CNOT4: variants seen among roughly 807,000 people sequenced by gnomAD.
CNOT4 encodes CCR4-associated factor 4.
In CNOT4, 8 loss-of-function variants were observed where a neutral mutation model predicts 73.8. The ratio of observed to expected loss-of-function variants is 0.11; its 90% CI spans 0.06 to 0.20. The LOEUF (loss-of-function observed/expected upper bound fraction) is 0.20, where lower values mean the gene tolerates loss of function less well. CNOT4 is among the 10% of genes least tolerant of loss of function. The pLI, the probability that CNOT4 is intolerant of heterozygous loss-of-function variation, is 1.00. For synonymous variants in CNOT4, 293 were observed against 321.1 expected, an observed-to-expected ratio of 0.91 and a Z score of 0.94; for missense variants, 564 against 883.4, an observed-to-expected ratio of 0.64 and a Z score of 4.58.
chr7:135,400,779 G>C (rs909861180), intron 7 of CNOT4, among the ~76,000 whole-genome samples: 1 of 152,150 alleles, frequency 6.6e-6, no homozygotes, highest in Non-Finnish European at 1.5e-5. Context: ...TCCGATAATA[G>C]CTGCTGAAAA....
intron 6 of CNOT4, 71 bp downstream of exon 6, chr7:135,413,417 T>C: frequency 6.4e-7 from 1 of 1,552,686 alleles, no homozygotes; most frequent in Non-Finnish European, 8.7e-7. Flanking sequence ...TTTTTGCTTT[T>C]GCAATGTTAA....
chr7:135,448,519 C>T (rs935139658), intron 1 of CNOT4, among the ~76,000 whole-genome samples: 1 of 126,962 alleles, frequency 7.9e-6, no homozygotes, highest in Non-Finnish European at 1.6e-5. Context: ...GACAGAGCAA[C>T]TCTGTCAAAA....
At chr7:135,416,728 C>G (rs1279103231) in intron 3 of CNOT4, among the ~76,000 whole-genome samples, 8 of 152,132 alleles carry the variant, frequency 5.3e-5, no homozygotes, top group African/African-American at 1.9e-4. Flanking sequence ...AGGTTTAAGG[C>G]AGTAGTTCTC....
chr7:135,413,629 G>T lies in CNOT4; in HGVS notation c.562-16C>A. On this transcript the variant is annotated splice_polypyrimidine_tract_variant and intron_variant, in intron 5 of 11. Transcript: ENST00000541284. ...CTAGAGATGCCTGCAGGAGGAAGAG[G>T]GGTAAAGGAAAAGAAGACTCAATGT... 1 of 1,604,428 alleles carries T rather than the reference G, an allele frequency of 6.2e-7. No individual in the cohort carries two copies.
rs117331354 is a variant in CNOT4 at position 135,487,034 on chromosome 7, C to T, written c.-93+22855G>A. Among the ~76,000 whole-genome samples the T allele has an allele frequency of 5.0e-3, 755 of 152,182 alleles. 2 individuals are homozygous for T. The highest frequency in any genetic ancestry group is 8.6e-3 in the Non-Finnish European group (588 of 68,004). On this transcript the variant is annotated intron_variant, in intron 1 of 11. Transcript: ENST00000541284. ...CATCCAAAAATGTGAACTTTTATGA[C>T]TTTGCTATTTTCTTACATCCCCAAA...
chr7:135,426,506 A>T (rs1798507085), intron 2 of CNOT4, among the ~76,000 whole-genome samples: 1 of 151,016 alleles, frequency 6.6e-6, no homozygotes, highest in African/African-American at 2.4e-5. Context: ...AGAAGGCTGG[A>T]GCAGGAGAAT....
Position 135,363,281 on chromosome 7 carries a change from G to C in CNOT4, c.1841-95C>G, listed in dbSNP as rs2059367. On this transcript the variant is annotated intron_variant, in intron 11 of 11. Transcript: ENST00000541284. The surrounding 1 kb of genome is among the most constrained non-coding windows in gnomAD (Gnocchi z 4.3). ...TTTAGAAAGCAAAACCAAAAGGAAA[G>C]ACAGAAGAGATTACAATTTTAAACT... is the stretch of plus-strand genomic sequence containing the variant. 0.7 allele frequency: 789,706 copies of C among 1,131,166 alleles called. 277,710 individuals are homozygous for C. The highest frequency in any genetic ancestry group is 0.78 in the Middle Eastern group (3,161 of 4,068). The allele number at this position is 1,131,166 out of a possible 1,614,324, so 70.1% of individuals were successfully genotyped here.
At chr7:135,501,859 T>C (rs1803989154) in intron 1 of CNOT4, among the ~76,000 whole-genome samples, 1 of 152,214 alleles carries the variant, frequency 6.6e-6, no homozygotes, top group Non-Finnish European at 1.5e-5. Flanking sequence ...GTGGTCTAAA[T>C]GTCTCCTCCA....
At chr7:135,436,113 A>G (rs1275022158) in intron 2 of CNOT4, among the ~76,000 whole-genome samples, 1 of 151,344 alleles carries the variant, frequency 6.6e-6, no homozygotes, top group Non-Finnish European at 1.5e-5. Context: ...GATTCCTCAC[A>G]CTTTCTGGTA....
chr7:135,388,849 G>C, intron 10 of CNOT4: 1 of 1,613,172 alleles, frequency 6.2e-7, no homozygotes, highest in South Asian at 1.1e-5. Context: ...TAATGAATGG[G>C]AAGAGGTTGA....
chr7:135,420,468 C>T (rs1327736259), intron 3 of CNOT4, among the ~76,000 whole-genome samples: 1 of 148,890 alleles, frequency 6.7e-6, no homozygotes, highest in Non-Finnish European at 1.5e-5. Flanking sequence ...ACCCAGTTAC[C>T]TGGGGGGCTG....
chr7:135,362,573 G>T lies in CNOT4; in HGVS notation c.*312C>A, dbSNP rs961585539. 4.3e-6 allele frequency: 2 copies of T among 464,464 alleles called. No individual in the cohort carries two copies. Among genetic ancestry groups the T allele is most frequent in the Non-Finnish European group, 4.0e-6 (1 of 252,718 alleles). 28.8% of individuals were successfully genotyped at this position (464,464 alleles called of 1,614,324 possible). On this transcript the variant is annotated 3_prime_UTR_variant, in exon 12 of 12. Coordinates refer to ENST00000541284, the MANE Select transcript of CNOT4 (RefSeq NM_001190850.2). The stretch of plus-strand genomic sequence containing the variant: ...TAAGCAGATTATGTCATTATTATGC[G>T]CAACAGACAAACAATAATTTTCTAA...
At position 135,362,585 on chromosome 7, in the gene CNOT4, C is replaced by CA. The variant is rs1794695727; in HGVS notation, c.*299dup. On this transcript the variant is annotated 3_prime_UTR_variant, in exon 12 of 12. Coordinates refer to ENST00000541284, the MANE Select transcript of CNOT4 (RefSeq NM_001190850.2). ...GTCATTATTATGCGCAACAGACAAA[C>CA]AATAATTTTCTAAGTATTGAGACTG... 4 of 504,718 alleles carry CA rather than the reference C, an allele frequency of 7.9e-6. No homozygotes were observed. Among genetic ancestry groups the CA allele is most frequent in the African/African-American group, 7.7e-5 (4 of 51,780 alleles). 31.3% of individuals were successfully genotyped at this position (504,718 alleles called of 1,614,324 possible).
intron 1 of CNOT4, among the ~76,000 whole-genome samples, chr7:135,494,289 G>A (rs928961582): frequency 2.0e-5 from 3 of 151,790 alleles, no homozygotes; most frequent in South Asian, 2.1e-4. Flanking sequence ...GGCCAACATG[G>A]TGAAACCCCG....
At chr7:135,455,058 A>G (rs927700173) in intron 1 of CNOT4, among the ~76,000 whole-genome samples, 3 of 152,020 alleles carry the variant, frequency 2.0e-5, no homozygotes, top group African/African-American at 7.3e-5. Context: ...CTAGGAAACC[A>G]GCCTGGACTA....
chr7:135,485,307 T>C (rs1194386286), intron 1 of CNOT4, among the ~76,000 whole-genome samples: 1 of 152,150 alleles, frequency 6.6e-6, no homozygotes, highest in Non-Finnish European at 1.5e-5. Context: ...CTTGACCTCA[T>C]GATCCACCTG....
At chr7:135,383,545 G>A (rs552886085) in intron 10 of CNOT4, among the ~76,000 whole-genome samples, 123 of 152,256 alleles carry the variant, frequency 8.1e-4, no homozygotes, top group African/African-American at 2.6e-3. Context: ...GCCCATCTGC[G>A]GATGCATGGA....
chr7:135,411,463 T>C (rs1797587041), intron 6 of CNOT4, among the ~76,000 whole-genome samples: 1 of 151,908 alleles, frequency 6.6e-6, no homozygotes, highest in South Asian at 2.1e-4. Context: ...ACAGAAAAAG[T>C]TTGCCAACCT....
rs1164893453 is a variant in CNOT4, at chr7:135,407,533, G to A, written c.821+2982C>T. ...GTATGAGGTAAAAACACCTGCTAGT[G>A]CTACCAGTCTAACACTGTTTTTGCA... On this transcript the variant is annotated intron_variant, in intron 7 of 11. Coordinates refer to ENST00000541284, the MANE Select transcript of CNOT4 (RefSeq NM_001190850.2). Among the ~76,000 whole-genome samples the A allele has an allele frequency of 2.0e-5, 3 of 152,280 alleles. No homozygotes were observed. The East Asian group carries it at 5.8e-4, about 29-fold the overall frequency.
Sources: gnomAD v4.1 joint callset for allele counts (sites outside exome capture counted in the v4.1 genomes callset) on GRCh38, gnomAD v4.1.1 for gene constraint, Gnocchi (gnomAD v3.1) non-coding constraint, MANE v1.5 for transcripts, NCBI Gene and HGNC (gene_info 2026-07-23, HGNC 2026-07-21) for gene names.